The following MYO1E variants were observed in gnomAD, a reference collection of about 807,000 sequenced individuals.
MYO1E encodes myosin IE, also known as unconventional myosin-Ie.
A neutral mutation model predicts 151.1 loss-of-function variants in MYO1E; 68 were observed. The ratio of observed to expected loss-of-function variants is 0.45; its 90% CI spans 0.37 to 0.55. The LOEUF (loss-of-function observed/expected upper bound fraction) is 0.55, where lower values mean the gene tolerates loss of function less well. MYO1E is among the 20% of genes least tolerant of loss of function. The pLI is 0.00. For missense variants in MYO1E, 1,363 were observed against 1,389.3 expected, an observed-to-expected ratio of 0.98 and a Z score of 0.30; for synonymous variants, 601 against 501.7, an observed-to-expected ratio of 1.20 and a Z score of -2.64.
At chr15:59,296,989 G>A (rs1239326409) in intron 1 of MYO1E, among the ~76,000 whole-genome samples, 4 of 98,786 alleles carry the variant, frequency 4.0e-5, no homozygotes, top group Non-Finnish European at 9.2e-5. Flanking sequence ...ACAGGCGCCC[G>A]CTACCACGCC....
At chr15:59,195,425 G>A (rs1314232250) in intron 17 of MYO1E, 36 bp downstream of exon 17, 2 of 1,552,208 alleles carry the variant, frequency 1.3e-6, no homozygotes, top group African/African-American at 1.4e-5. Flanking sequence ...GAGGGAAAAA[G>A]GTCCCGGCCC....
Position 59,173,752 on chromosome 15 carries a change from C to G in MYO1E, c.2328G>C (p.Arg776Ser). The G allele has an allele frequency of 6.2e-7, 1 of 1,614,140 alleles. No individual in the cohort carries two copies. Among genetic ancestry groups the G allele is most frequent in the Non-Finnish European group, 8.5e-7 (1 of 1,180,004 alleles). ...GCAGGCAGTTAGCACGTACCTTGAA[C>G]CTCCTGTCATACTTGGTGACTGTGT... ...FADTVTKYDR[R>S]FKGVKRDLLL... Residue 776 changes from arginine (R) to serine (S), a missense_variant, in exon 21 of 28, where the codon AGG (arginine) becomes AGC (serine). Arg to Ser is a moderately radical substitution (Grantham distance 110, BLOSUM62 -1). Transcript: ENST00000288235.
intron 1 of MYO1E, among the ~76,000 whole-genome samples, chr15:59,311,694 T>C (rs1013277303): frequency 4.6e-5 from 7 of 152,158 alleles, no homozygotes; most frequent in Non-Finnish European, 1.0e-4. Flanking sequence ...CTTCCAAAGT[T>C]CATGTGCTGA....
intron 12 of MYO1E, among the ~76,000 whole-genome samples, chr15:59,211,585 C>T (rs1181144553): frequency 6.6e-6 from 1 of 152,132 alleles, no homozygotes; most frequent in Non-Finnish European, 1.5e-5. Flanking sequence ...GGAATCTTCA[C>T]TTGGATGTAT....
At position 59,372,537 on chromosome 15, in the gene MYO1E, C is replaced by A; in HGVS notation, c.-37G>T. 6.5e-7 allele frequency: 1 copy of A among 1,535,194 alleles called. No homozygotes were observed. The highest frequency in any genetic ancestry group is 8.8e-7 in the Non-Finnish European group (1 of 1,140,596). On this transcript the variant is annotated 5_prime_UTR_variant, in exon 1 of 28. Transcript: ENST00000288235. ...CCGCGGTCGCGTCTTCGCCGGGTCC[C>A]GCTGCCGGGGAACTGGGGCTGGAAC... is the stretch of plus-strand genomic sequence containing the variant.
Position 59,236,532 on chromosome 15 carries a change from C to T in MYO1E, c.420+53G>A, listed in dbSNP as rs891327177. The T allele has an allele frequency of 5.5e-6, 8 of 1,450,078 alleles. No individual in the cohort carries two copies. In the African/African-American group the frequency reaches 7.0e-5, roughly 13 times the overall value. The allele number at this position is 1,450,078 out of a possible 1,614,324, so 89.8% of individuals were successfully genotyped here. A position where few individuals can be genotyped will look rare whatever the true frequency, so the allele number is the denominator to read the frequency against. Reference sequence around the variant, plus strand: ...AATTCTTTTCTAACAGCAAATGGAGCCTCTTACATTTCCCATAACATAAGG... The same window carrying T: ...AATTCTTTTCTAACAGCAAATGGAGTCTCTTACATTTCCCATAACATAAGG... On this transcript the variant is annotated intron_variant, in intron 5 of 27. Transcript: ENST00000288235.
chr15:59,229,212 C>T (rs1228081438), intron 6 of MYO1E, among the ~76,000 whole-genome samples: 1 of 152,156 alleles, frequency 6.6e-6, no homozygotes, highest in Non-Finnish European at 1.5e-5. Flanking sequence ...CAGGCAAGCT[C>T]CCAAGTCCTC....
chr15:59,207,883 A>C, intron 14 of MYO1E: 1 of 1,614,174 alleles, frequency 6.2e-7, no homozygotes, highest in Admixed American at 1.7e-5. Context: ...TATTTTGAAG[A>C]ATCTTAGGAG....
intron 1 of MYO1E, among the ~76,000 whole-genome samples, chr15:59,337,177 A>C (rs1320597368): frequency 6.6e-6 from 1 of 152,186 alleles, no homozygotes; most frequent in African/African-American, 2.4e-5. Context: ...CGTTTTACAG[A>C]TGTAAAAATG....
chr15:59,204,678 C>T (rs2079821783), intron 15 of MYO1E, among the ~76,000 whole-genome samples: 1 of 152,214 alleles, frequency 6.6e-6, no homozygotes, highest in South Asian at 2.1e-4. Context: ...ACAGCTGAAA[C>T]AGGGTCTTGG....
At chr15:59,200,128 A>G (rs1234464450) in intron 16 of MYO1E, among the ~76,000 whole-genome samples, 2 of 152,204 alleles carry the variant, frequency 1.3e-5, no homozygotes, top group African/African-American at 4.8e-5. Context: ...AAGGAAAGAA[A>G]GGGGACAAGT....
Position 59,173,875 on chromosome 15 carries a change from G to A in MYO1E, c.2205C>T (p.Asn735=), listed in dbSNP as rs1464460396. 6 of 1,613,840 alleles carry A rather than the reference G, an allele frequency of 3.7e-6. No individual in the cohort carries two copies. Among genetic ancestry groups the A allele is most frequent in the Non-Finnish European group, 5.1e-6 (6 of 1,179,992 alleles). Residue 735 remains asparagine (N), a synonymous_variant, in exon 21 of 28, where the codon AAC becomes AAT. Transcript: ENST00000288235. ...CCCCTATAAAGTTCCTGTTAATACT[G>A]TTTCTCCTTCTCTCCTTCTTGTTCA... is the stretch of plus-strand genomic sequence containing the variant. ...LLLNKKERRR[N]SINRNFIGDY... is the part of the protein sequence containing the mutation.
At chr15:59,278,973 G>A (rs10152146) in intron 1 of MYO1E, among the ~76,000 whole-genome samples, 73,616 of 151,840 alleles carry the variant, frequency 0.48, 20,570 homozygotes, top group Middle Eastern at 0.63. Flanking sequence ...AAAGTGCACT[G>A]AGGGGGTGGC....
rs2079351159 is a variant in MYO1E at position 59,132,460 on chromosome 15, A to C, written c.*4920T>G. 6.6e-6 allele frequency: 1 copy of C among 152,184 alleles called. No individual in the cohort carries two copies. The highest frequency in any genetic ancestry group is 2.4e-5 in the African/African-American group (1 of 41,454). 9.4% of individuals were successfully genotyped at this position (152,184 alleles called of 1,614,324 possible). On this transcript the variant is annotated 3_prime_UTR_variant, in exon 28 of 28. Transcript: ENST00000288235. ...AGCTTCCTTATTACATATTTTACTT[A>C]GTTAAATATTAAATGTCCTGACTTA...
At chr15:59,256,465 A>G (rs2080194591) in intron 3 of MYO1E, 87 bp from the exon 4 acceptor site, 1 of 699,320 alleles carries the variant, frequency 1.4e-6, no homozygotes, top group East Asian at 3.2e-5. Flanking sequence ...CAATACACTC[A>G]ATTTCTTTTC....
At chr15:59,220,925 TAAA>T (rs59578227) in intron 9 of MYO1E, among the ~76,000 whole-genome samples, 38 of 77,932 alleles carry the variant, frequency 4.9e-4, no homozygotes, top group Middle Eastern at 8.2e-3. Context: ...CCCCATCTCT[TAAA>T]AAAAAAAAAA....
intron 9 of MYO1E, among the ~76,000 whole-genome samples, chr15:59,219,347 T>G (rs2079939789): frequency 6.6e-6 from 1 of 152,230 alleles, no homozygotes; most frequent in Non-Finnish European, 1.5e-5. Flanking sequence ...AATGCAAATT[T>G]TGAACTTGGC....
chr15:59,201,281 T>C (rs777056201), intron 16 of MYO1E, among the ~76,000 whole-genome samples: 5 of 151,944 alleles, frequency 3.3e-5, no homozygotes, highest in Admixed American at 6.6e-5. Flanking sequence ...TTAGTAGAGA[T>C]GGGGTTCTCA....
chr15:59,202,226 A>G (rs1311119347), intron 16 of MYO1E, 100 bp downstream of exon 16: 131 of 995,556 alleles, frequency 1.3e-4, no homozygotes, highest in Non-Finnish European at 1.0e-4. Context: ...CCACCTCCTC[A>G]CGTCTCACTG....
Sources: gnomAD v4.1 joint callset for allele counts (sites outside exome capture counted in the v4.1 genomes callset) on GRCh38, gnomAD v4.1.1 for gene constraint, MANE v1.5 for transcripts, NCBI Gene and HGNC (gene_info 2026-07-23, HGNC 2026-07-21) for gene names.